Variants in MTREX observed in about 807,000 individuals in gnomAD.
The protein encoded by MTREX is exosome RNA helicase MTR4.
A neutral mutation model predicts 135.4 loss-of-function variants in MTREX; 76 were observed. The observed-to-expected ratio is 0.56, with a 90% CI of 0.47 to 0.68. MTREX has a LOEUF of 0.68. Among genes scored for constraint, MTREX ranks in the 30% least tolerant of loss-of-function variants. The probability of loss-of-function intolerance (pLI) is 0.00; values close to 1 mark genes in which losing one functional copy is unlikely to be tolerated. For missense variants in MTREX, 920 were observed against 1,262.1 expected (o/e 0.73, Z 4.11); for synonymous variants, 404 against 401.6 (o/e 1.01, Z -0.07).
rs780651403 is a variant in MTREX at position 55,318,213 on chromosome 5, A to G, written c.135-4114A>G. Among the ~76,000 whole-genome samples, 19 of 152,320 alleles carry G rather than the reference A, an allele frequency of 1.2e-4. 2 individuals carry two copies. The Middle Eastern group carries it at 0.017, about 136-fold the overall frequency. ...AACCGTTGTGGAAGGCAATATGGCA[A>G]TTCATCAAAGAGCTAAAAACAGATA... On this transcript the variant is annotated intron_variant, in intron 1 of 26. Transcript: ENST00000230640.
intron 15 of MTREX, among the ~76,000 whole-genome samples, chr5:55,363,113 T>C (rs184792357): frequency 7.9e-5 from 12 of 152,316 alleles, no homozygotes; most frequent in African/African-American, 2.4e-4. Context: ...ATTTTGACCT[T>C]ACTGGTTATT....
chr5:55,367,479 C>T (rs541637299), intron 16 of MTREX, among the ~76,000 whole-genome samples: 62 of 139,910 alleles, frequency 4.4e-4, no homozygotes, highest in African/African-American at 1.7e-3. Context: ...AGGGAGACTC[C>T]GACTCAAAAA....
At chr5:55,390,572 C>T (rs1381787205) in intron 19 of MTREX, among the ~76,000 whole-genome samples, 2 of 152,160 alleles carry the variant, frequency 1.3e-5, no homozygotes, top group African/African-American at 2.4e-5. Flanking sequence ...CTAAAGATCA[C>T]TTGCAGTTTT....
intron 1 of MTREX, among the ~76,000 whole-genome samples, chr5:55,317,592 G>A (rs754423177): frequency 6.6e-6 from 1 of 152,092 alleles, no homozygotes; most frequent in African/African-American, 2.4e-5. Flanking sequence ...GAAAATTGAA[G>A]GTGGACCCCT....
chr5:55,343,459 T>C lies in MTREX; in HGVS notation c.906+4T>C. The C allele has an allele frequency of 6.2e-7, 1 of 1,610,180 alleles. No homozygotes were observed. On this transcript the variant is annotated splice_donor_region_variant and intron_variant, in intron 8 of 26. Transcript: ENST00000230640. The stretch of plus-strand genomic sequence containing the variant: ...GATTTGCCATTTACATAAACAGGTA[T>C]TTTTTCCTCCTTTTTTGATGTCTTC...
chr5:55,386,669 A>T (rs1334556758), intron 18 of MTREX, among the ~76,000 whole-genome samples: 2 of 152,136 alleles, frequency 1.3e-5, no homozygotes, highest in African/African-American at 2.4e-5. Flanking sequence ...GTTATATCTT[A>T]CAGAGAATAT....
chr5:55,400,623 C>T (rs896024068), intron 21 of MTREX, among the ~76,000 whole-genome samples: 1 of 152,172 alleles, frequency 6.6e-6, no homozygotes, highest in African/African-American at 2.4e-5. Context: ...TTTGATATTT[C>T]ACATAGGATG....
intron 3 of MTREX, among the ~76,000 whole-genome samples, chr5:55,327,237 G>A (rs1749398015): frequency 6.6e-6 from 1 of 152,154 alleles, no homozygotes; most frequent in African/African-American, 2.4e-5. Context: ...GGGTCAAATG[G>A]TATTTCTAGT....
rs550570331 is a variant in MTREX, at chr5:55,380,925, T to C, written c.2052+1730T>C. ...ATATCTTCATCACATTCAAAACTTC[T>C]TAAATATTTGGTAGAACTTGGCAAT... On this transcript the variant is annotated intron_variant, in intron 18 of 26. Transcript: ENST00000230640. 1.1e-3 allele frequency among the ~76,000 whole-genome samples: 160 copies of C among 152,352 alleles called. 1 individual carries two copies. The highest frequency in any genetic ancestry group is 3.7e-3 in the African/African-American group (154 of 41,602).
At chr5:55,400,557 G>T in intron 21 of MTREX, 136 bp downstream of exon 21, 2 of 576,104 alleles carry the variant, frequency 3.5e-6, no homozygotes, top group Admixed American at 3.2e-5. Flanking sequence ...TAAACTGTCA[G>T]CTCTGAACCT....
intron 15 of MTREX, among the ~76,000 whole-genome samples, chr5:55,363,407 G>A (rs1404237052): frequency 6.6e-6 from 1 of 151,980 alleles, no homozygotes; most frequent in Non-Finnish European, 1.5e-5. Flanking sequence ...GGTATGTTTG[G>A]CTCTCTCAAT....
chr5:55,358,676 C>A lies in MTREX; in HGVS notation c.1637C>A (p.Thr546Lys). The A allele has an allele frequency of 1.3e-6, 2 of 1,596,272 alleles. No individual in the cohort carries two copies. Among genetic ancestry groups the A allele is most frequent in the South Asian group, 1.2e-5 (1 of 86,926 alleles). The change falls in exon 15 of 27, where the codon ACA becomes AAA. Residue 546 changes from threonine (T) to lysine (K), a missense_variant. Thr to Lys is a moderately conservative substitution (Grantham distance 78, BLOSUM62 -1). Around this residue, in one of 6 missense-constraint regions of MTREX, gnomAD observed 467 missense variants for 589.7 expected, o/e 0.79. Coordinates refer to ENST00000230640, the MANE Select transcript of MTREX (RefSeq NM_015360.5). ...ATGGTAGATGAAAAGATGAGCCCAA[C>A]AATTGGAAAACAATTACTTAAGGTA... ...ILMVDEKMSP[T>K]IGKQLLKGSA... is the part of the protein sequence containing the mutation.
chr5:55,325,086 C>G (rs762295449), intron 3 of MTREX, among the ~76,000 whole-genome samples: 3 of 152,130 alleles, frequency 2.0e-5, no homozygotes, highest in Non-Finnish European at 2.9e-5. Flanking sequence ...AACTATAACA[C>G]TATTTCCTTC....
At chr5:55,378,554 CTAATT>C in intron 17 of MTREX, 68 bp downstream of exon 17, 1 of 1,454,800 alleles carries the variant, frequency 6.9e-7, no homozygotes, top group Non-Finnish European at 9.2e-7. Context: ...GTTAAAGATT[CTAATT>C]TATTTTTTAT....
intron 16 of MTREX, among the ~76,000 whole-genome samples, chr5:55,369,550 C>T (rs578170515): frequency 5.3e-5 from 8 of 152,298 alleles, no homozygotes; most frequent in African/African-American, 1.9e-4. Context: ...CAAATATTAT[C>T]CCATTTTTTT....
rs1342133118 is a variant in MTREX, at chr5:55,366,812, T to G, written c.1747T>G (p.Tyr583Asp). ...ACGTGTAGAAGAAATTAATCCTGAG[T>G]ACATGTTGGAAAAATCCTTCTACCA... Reference protein sequence around the residue: ...LLRVEEINPEYMLEKSFYQFQ... With the variant: ...LLRVEEINPEDMLEKSFYQFQ... The change falls in exon 16 of 27, where the codon TAC becomes GAC. Residue 583 changes from tyrosine to aspartate, a missense_variant. This residue lies in a region of MTREX where 467 missense variants were observed against 589.7 expected (regional missense o/e 0.79). Coordinates refer to ENST00000230640, the MANE Select transcript of MTREX (RefSeq NM_015360.5). 7 of 1,609,930 alleles carry G rather than the reference T, an allele frequency of 4.3e-6. No individual in the cohort carries two copies. Among genetic ancestry groups the G allele is most frequent in the Admixed American group, 3.4e-5 (2 of 59,574 alleles).
rs181161581 is a variant in MTREX at position 55,320,933 on chromosome 5, C to T, written c.135-1394C>T. ...TCTTCATATGCTTTGACCAAAACAA[C>T]ATGTCATAGCAAGTTGAATACAGAA... On this transcript the variant is annotated intron_variant, in intron 1 of 26. Coordinates refer to ENST00000230640, the MANE Select transcript of MTREX (RefSeq NM_015360.5). Among the ~76,000 whole-genome samples, 928 of 152,250 alleles carry T rather than the reference C, an allele frequency of 6.1e-3. 8 individuals are homozygous for T. The highest frequency in any genetic ancestry group is 0.022 in the African/African-American group (895 of 41,534).
intron 15 of MTREX, among the ~76,000 whole-genome samples, chr5:55,366,480 C>T (rs1311475225): frequency 1.3e-5 from 2 of 152,110 alleles, no homozygotes; most frequent in Non-Finnish European, 2.9e-5. Context: ...CTGTCATATG[C>T]TTAGAGGGCA....
rs1358447035 is a variant in MTREX, at chr5:55,425,220, T to A, written c.*448T>A. The A allele has an allele frequency of 6.2e-7, 1 of 1,613,506 alleles. No individual in the cohort carries two copies. Among genetic ancestry groups the A allele is most frequent in the Non-Finnish European group, 8.5e-7 (1 of 1,179,846 alleles). On this transcript the variant is annotated 3_prime_UTR_variant, in exon 27 of 27. Coordinates refer to ENST00000230640, the MANE Select transcript of MTREX (RefSeq NM_015360.5). Reference sequence around the variant, plus strand: ...CCTGCTGCCTTTCAAGGCTGGTGATTGCTCGGATAGTGATTCCCAGTTGTT... The same window carrying A: ...CCTGCTGCCTTTCAAGGCTGGTGATAGCTCGGATAGTGATTCCCAGTTGTT...
Sources: allele counts gnomAD v4.1 joint callset (sites outside exome capture counted in the v4.1 genomes callset), GRCh38; gene constraint gnomAD v4.1.1; regional missense constraint gnomAD v4.1.1; transcripts MANE v1.5; gene names NCBI Gene and HGNC (gene_info 2026-07-23, HGNC 2026-07-21).